The following XKR6 variants were observed in gnomAD, a reference collection of about 807,000 sequenced individuals.
The protein encoded by XKR6 is XK-related protein 6.
A neutral mutation model predicts 56.7 loss-of-function variants in XKR6; 22 were observed. That is an observed-to-expected ratio of 0.39 (90% CI 0.28 to 0.55). The LOEUF is 0.55. Ranked by LOEUF, XKR6 falls within the 20% of genes least tolerant of loss-of-function variation. XKR6 has a pLI of 0.66. For missense variants in XKR6, 852 were observed against 889.0 expected (o/e 0.96, Z 0.53); for synonymous variants, 524 against 387.8 (o/e 1.35, Z -4.13).
intron 1 of XKR6, chr8:11,175,186 C>G (rs146513858): frequency 3.3e-5 from 5 of 152,682 alleles, no homozygotes; most frequent in Admixed American, 6.5e-5. Context: ...CACCAGGTAA[C>G]TGAAAGATGT....
intron 1 of XKR6, among the ~76,000 whole-genome samples, chr8:11,156,737 C>A (rs1196300806): frequency 6.6e-6 from 1 of 152,062 alleles, no homozygotes; most frequent in Non-Finnish European, 1.5e-5. Context: ...AGGGGAAAGA[C>A]AAAATCTTGC....
At chr8:11,148,145 G>A (rs1190958963) in intron 1 of XKR6, among the ~76,000 whole-genome samples, 4 of 152,160 alleles carry the variant, frequency 2.6e-5, no homozygotes, top group African/African-American at 9.7e-5. Context: ...AGGAGGCTGA[G>A]GCTGCAGAGA....
chr8:11,184,515 T>C (rs1941855323), intron 1 of XKR6, among the ~76,000 whole-genome samples: 1 of 152,184 alleles, frequency 6.6e-6, no homozygotes, highest in Admixed American at 6.5e-5. Flanking sequence ...ACAGGTATTT[T>C]AAGACAGCTG....
At chr8:10,988,521 G>A (rs868225044) in intron 1 of XKR6, among the ~76,000 whole-genome samples, 1 of 152,168 alleles carries the variant, frequency 6.6e-6, no homozygotes, top group Non-Finnish European at 1.5e-5. Context: ...AGATGCAACT[G>A]AAGATCAGAA....
intron 1 of XKR6, among the ~76,000 whole-genome samples, chr8:11,080,519 G>A (rs1398930584): frequency 1.3e-5 from 2 of 152,196 alleles, no homozygotes; most frequent in African/African-American, 4.8e-5. Context: ...TCAAAACTTT[G>A]GAGATGTAAA....
At chr8:11,025,861 C>G (rs1798849052) in intron 1 of XKR6, among the ~76,000 whole-genome samples, 1 of 152,106 alleles carries the variant, frequency 6.6e-6, no homozygotes. Context: ...TGGCAGCCAC[C>G]AGGCACACGT....
chr8:11,081,745 G>C (rs1002470155), intron 1 of XKR6, among the ~76,000 whole-genome samples: 5 of 152,240 alleles, frequency 3.3e-5, no homozygotes, highest in African/African-American at 7.2e-5. Context: ...AGTGGAGAGA[G>C]AGAGAGAAGC....
At chr8:11,102,642 T>C (rs1177755759) in intron 1 of XKR6, among the ~76,000 whole-genome samples, 1 of 150,988 alleles carries the variant, frequency 6.6e-6, no homozygotes, top group Admixed American at 6.6e-5. Context: ...GAGGCACCAG[T>C]GTAAGTGTGC....
intron 1 of XKR6, among the ~76,000 whole-genome samples, chr8:11,161,305 T>C (rs1801794641): frequency 6.6e-6 from 1 of 152,206 alleles, no homozygotes; most frequent in African/African-American, 2.4e-5. Context: ...GTAAGTCTTC[T>C]ACTCCTTCAA....
chr8:10,995,964 G>A (rs568315120), intron 1 of XKR6, among the ~76,000 whole-genome samples: 7 of 152,138 alleles, frequency 4.6e-5, no homozygotes, highest in Non-Finnish European at 8.8e-5. Flanking sequence ...GCCACCTCTT[G>A]TTGGGCCTCC....
chr8:10,951,240 G>A (rs1017146802), intron 1 of XKR6, among the ~76,000 whole-genome samples: 1 of 150,206 alleles, frequency 6.7e-6, no homozygotes, highest in African/African-American at 2.5e-5. Flanking sequence ...AACTCATGCT[G>A]GGGGGACAAG....
At chr8:10,927,584 C>T (rs1800929033) in intron 1 of XKR6, among the ~76,000 whole-genome samples, 1 of 152,142 alleles carries the variant, frequency 6.6e-6, no homozygotes, top group African/African-American at 2.4e-5. Flanking sequence ...TCAGGTTCAC[C>T]CAGGTTTGCC....
At chr8:11,173,898 CA>C (rs1388619066) in intron 1 of XKR6, among the ~76,000 whole-genome samples, 2 of 152,040 alleles carry the variant, frequency 1.3e-5, no homozygotes, top group Non-Finnish European at 2.9e-5. Context: ...TTAGACGGGA[CA>C]CAGTGGGAAA....
chr8:10,959,300 C>G (rs1174465125), intron 1 of XKR6, among the ~76,000 whole-genome samples: 1 of 152,104 alleles, frequency 6.6e-6, no homozygotes, highest in Non-Finnish European at 1.5e-5. Context: ...GACACTGGTT[C>G]TCTGTGACCC....
At chr8:11,134,697 C>T (rs190183897) in intron 1 of XKR6, among the ~76,000 whole-genome samples, 4 of 152,060 alleles carry the variant, frequency 2.6e-5, no homozygotes, top group South Asian at 2.1e-4. Flanking sequence ...AATACACACA[C>T]GCACACACAC....
chr8:10,988,381 TG>T (rs1198318802), intron 1 of XKR6, among the ~76,000 whole-genome samples: 1 of 152,252 alleles, frequency 6.6e-6, no homozygotes, highest in Non-Finnish European at 1.5e-5. Flanking sequence ...TCAGTCATTT[TG>T]TTTCGTATAT....
intron 1 of XKR6, among the ~76,000 whole-genome samples, chr8:11,049,340 C>A (rs976171764): frequency 2.0e-5 from 3 of 152,194 alleles, no homozygotes; most frequent in Admixed American, 2.0e-4. Context: ...CATGACCCGG[C>A]AGGAGGGTTC....
chr8:11,075,040 G>C (rs547610107), intron 1 of XKR6, among the ~76,000 whole-genome samples: 17 of 152,166 alleles, frequency 1.1e-4, no homozygotes, highest in Non-Finnish European at 2.4e-4. Flanking sequence ...GACTTGGCTG[G>C]TGGCACCCTC....
chr8:11,116,561 G>T (rs552926079), intron 1 of XKR6, among the ~76,000 whole-genome samples: 2 of 152,186 alleles, frequency 1.3e-5, no homozygotes, highest in East Asian at 3.9e-4. Flanking sequence ...AGTAGAGACG[G>T]GGTTTCTCCA....
Sources: gnomAD v4.1 joint callset for allele counts (sites outside exome capture counted in the v4.1 genomes callset) on GRCh38, gnomAD v4.1.1 for gene constraint, MANE v1.5 for transcripts, NCBI Gene and HGNC (gene_info 2026-07-23, HGNC 2026-07-21) for gene names.